The following ERC2 variants were observed in gnomAD, a reference collection of about 807,000 sequenced individuals.
ERC2 encodes ERC protein 2.
In ERC2, 42 loss-of-function variants were observed where a neutral mutation model predicts 114.8. That is an observed-to-expected ratio of 0.37 (90% CI 0.29 to 0.47). ERC2 has a LOEUF of 0.47. ERC2 is among the 20% of genes least tolerant of loss of function. The probability of loss-of-function intolerance (pLI) is 0.99; values close to 1 mark genes in which losing one functional copy is unlikely to be tolerated. For missense variants in ERC2, 939 were observed against 1,150.7 expected, an observed-to-expected ratio of 0.82 and a Z score of 2.66; for synonymous variants, 454 against 425.5, an observed-to-expected ratio of 1.07 and a Z score of -0.82.
At chr3:56,245,655 T>C (rs536024682) in intron 3 of ERC2, among the ~76,000 whole-genome samples, 66 of 152,150 alleles carry the variant, frequency 4.3e-4, no homozygotes, top group African/African-American at 1.5e-3. Context: ...GCAATTCTCC[T>C]GCCTCAGCCT....
At chr3:55,693,344 G>T (rs2062759073) in intron 16 of ERC2, among the ~76,000 whole-genome samples, 5 of 152,148 alleles carry the variant, frequency 3.3e-5, no homozygotes, top group African/African-American at 1.2e-4. Flanking sequence ...GCAGAATAAA[G>T]CATCCTCTGT....
intron 6 of ERC2, among the ~76,000 whole-genome samples, chr3:56,109,011 A>C (rs2078816727): frequency 6.6e-6 from 1 of 152,036 alleles, no homozygotes; most frequent in South Asian, 2.1e-4. Context: ...ATCAAAATAG[A>C]CTCTTTTTTT....
chr3:55,801,819 G>A (rs2071079816), intron 14 of ERC2, among the ~76,000 whole-genome samples: 1 of 152,214 alleles, frequency 6.6e-6, no homozygotes, highest in South Asian at 2.1e-4. Context: ...TCTTCTAAGT[G>A]CAGGGCCCTG....
intron 15 of ERC2, among the ~76,000 whole-genome samples, chr3:55,713,120 C>G (rs747228350): frequency 0.024 from 2,767 of 115,142 alleles, 45 homozygotes; most frequent in African/African-American, 0.068. Flanking sequence ...CTCTCTCTCT[C>G]TCTCTCTGTC....
chr3:55,685,159 T>A (rs960654893), intron 16 of ERC2, among the ~76,000 whole-genome samples: 1 of 152,224 alleles, frequency 6.6e-6, no homozygotes, highest in Non-Finnish European at 1.5e-5. Flanking sequence ...TTTTATTTTA[T>A]GCATTGAAAA....
At chr3:55,560,416 T>C (rs1028820453) in intron 17 of ERC2, among the ~76,000 whole-genome samples, 4 of 152,226 alleles carry the variant, frequency 2.6e-5, no homozygotes, top group Admixed American at 6.5e-5. Context: ...GTCTGTCCCA[T>C]GCACCTTGGT....
intron 3 of ERC2, among the ~76,000 whole-genome samples, chr3:56,239,977 A>G (rs1052743308): frequency 2.6e-5 from 4 of 152,256 alleles, no homozygotes; most frequent in Non-Finnish European, 5.9e-5. Flanking sequence ...ATTTATACAG[A>G]CAGGAAAGAG....
intron 17 of ERC2, among the ~76,000 whole-genome samples, chr3:55,576,924 T>C (rs967526508): frequency 3.3e-5 from 5 of 152,266 alleles, no homozygotes. Flanking sequence ...TTCAGAGTCC[T>C]GGCCTCTCTG....
At chr3:56,313,945 A>G (rs1176189391) in intron 2 of ERC2, among the ~76,000 whole-genome samples, 1 of 152,242 alleles carries the variant, frequency 6.6e-6, no homozygotes, top group African/African-American at 2.4e-5. Context: ...GGATTCCTAA[A>G]GTACCCTTTA....
At chr3:56,063,871 T>C (rs1435245052) in intron 7 of ERC2, among the ~76,000 whole-genome samples, 4 of 152,186 alleles carry the variant, frequency 2.6e-5, no homozygotes, top group Non-Finnish European at 5.9e-5. Context: ...TTTATTTCCA[T>C]TAACAAAATA....
rs551074662 is a variant in ERC2 at position 55,837,447 on chromosome 3, C to T, written c.2564+50942G>A. ...CCATAAAAAATGATGAGTTCATGTC[C>T]TTTGCAGGGACATGGATGAAACTGG... On this transcript the variant is annotated intron_variant, in intron 14 of 17. Transcript: ENST00000288221. Among the ~76,000 whole-genome samples, 11 of 152,196 alleles carry T rather than the reference C, an allele frequency of 7.2e-5. No individual in the cohort carries two copies. The East Asian group carries it at 1.9e-3, about 27-fold the overall frequency.
At chr3:55,633,991 A>G (rs2059857021) in intron 17 of ERC2, among the ~76,000 whole-genome samples, 1 of 152,152 alleles carries the variant, frequency 6.6e-6, no homozygotes, top group African/African-American at 2.4e-5. Context: ...TTCCAAGATC[A>G]GGGGACTTGC....
intron 14 of ERC2, among the ~76,000 whole-genome samples, chr3:55,867,416 C>T (rs951185760): frequency 6.6e-6 from 1 of 152,092 alleles, no homozygotes; most frequent in Non-Finnish European, 1.5e-5. Flanking sequence ...TGAATCTAAG[C>T]TGTAAGGGTT....
At chr3:55,656,337 TG>T (rs1453979488) in intron 17 of ERC2, among the ~76,000 whole-genome samples, 1 of 152,244 alleles carries the variant, frequency 6.6e-6, no homozygotes, top group Non-Finnish European at 1.5e-5. Flanking sequence ...TTTTATTTTT[TG>T]TAGAGCTGGG....
intron 14 of ERC2, among the ~76,000 whole-genome samples, chr3:55,878,137 C>CT (rs1205513817): frequency 1.3e-5 from 2 of 152,114 alleles, no homozygotes; most frequent in African/African-American, 2.4e-5. Flanking sequence ...TATTTAAACT[C>CT]TATGATTCAC....
intron 14 of ERC2, among the ~76,000 whole-genome samples, chr3:55,735,376 G>A (rs1039390008): frequency 6.6e-6 from 1 of 152,206 alleles, no homozygotes; most frequent in Non-Finnish European, 1.5e-5. Flanking sequence ...CATGGTGGTA[G>A]CTTCCAGCAA....
At chr3:56,423,710 G>A (rs1214548039) in intron 2 of ERC2, among the ~76,000 whole-genome samples, 4 of 152,056 alleles carry the variant, frequency 2.6e-5, no homozygotes, top group Non-Finnish European at 5.9e-5. Context: ...GAAATTGCAC[G>A]TGCCAGAATT....
At chr3:55,849,207 A>T (rs1444615438) in intron 14 of ERC2, among the ~76,000 whole-genome samples, 1 of 152,080 alleles carries the variant, frequency 6.6e-6, no homozygotes, top group Admixed American at 6.5e-5. Flanking sequence ...AGAGTCCCGG[A>T]CCACCATATG....
At chr3:55,617,274 C>CTAACAAT (rs2059159750) in intron 17 of ERC2, among the ~76,000 whole-genome samples, 1 of 152,190 alleles carries the variant, frequency 6.6e-6, no homozygotes, top group East Asian at 1.9e-4. Flanking sequence ...ACAGGGGCAG[C>CTAACAAT]TAACAATTAC....
Sources: allele counts gnomAD v4.1 joint callset (sites outside exome capture counted in the v4.1 genomes callset), GRCh38; gene constraint gnomAD v4.1.1; transcripts MANE v1.5; gene names NCBI Gene and HGNC (gene_info 2026-07-23, HGNC 2026-07-21).